BTBD9: variants seen among roughly 807,000 people sequenced by gnomAD.
BTBD9 encodes BTB domain containing 9.
A neutral mutation model predicts 64.3 loss-of-function variants in BTBD9; 49 were observed. The observed-to-expected ratio is 0.76, with a 90% confidence interval of 0.61 to 0.97. The LOEUF (loss-of-function observed/expected upper bound fraction) is 0.97. Ranked by LOEUF, BTBD9 falls within the 50% of genes least tolerant of loss-of-function variation. BTBD9 has a pLI of 0.00. For synonymous variants in BTBD9, 260 were observed against 274.7 expected, an observed-to-expected ratio of 0.95 and a Z score of 0.53; for missense variants, 598 against 762.1, an observed-to-expected ratio of 0.78 and a Z score of 2.53.
intron 6 of BTBD9, among the ~76,000 whole-genome samples, chr6:38,484,523 G>A (rs903169108): frequency 5.9e-5 from 9 of 152,170 alleles, no homozygotes; most frequent in Admixed American, 2.6e-4. Flanking sequence ...CAAGACCTCT[G>A]CTAAGGCTGT....
At chr6:38,473,582 G>A (rs1770745071) in intron 6 of BTBD9, among the ~76,000 whole-genome samples, 1 of 152,140 alleles carries the variant, frequency 6.6e-6, no homozygotes, top group African/African-American at 2.4e-5. Context: ...AGCTCAGTAA[G>A]AGTACAAATC....
chr6:38,202,134 G>C (rs897856345), intron 9 of BTBD9, among the ~76,000 whole-genome samples: 1 of 146,252 alleles, frequency 6.8e-6, no homozygotes, highest in African/African-American at 2.6e-5. Flanking sequence ...TGCCAGGCTG[G>C]AGTGCAGTGA....
rs6941845 is a variant in BTBD9, at chr6:38,622,655, G to A, written c.-28+17145C>T. On this transcript the variant is annotated intron_variant, in intron 1 of 10. Transcript: ENST00000481247. ...AGCCTATACATGGCCCTGTAACCAC[G>A]AACACCGTGTTAACTTTCCAAGCCC... is the stretch of plus-strand genomic sequence containing the variant. Among the ~76,000 whole-genome samples the A allele has an allele frequency of 4.2e-3, 633 of 152,182 alleles. 8 individuals are homozygous for A. The highest frequency in any genetic ancestry group is 0.014 in the African/African-American group (598 of 41,508).
At chr6:38,295,194 T>A (rs1272241814) in intron 7 of BTBD9, among the ~76,000 whole-genome samples, 2 of 152,196 alleles carry the variant, frequency 1.3e-5, no homozygotes, top group African/African-American at 4.8e-5. Context: ...AGACACGGTC[T>A]CATTCTGTCA....
chr6:38,447,645 G>A lies in BTBD9; in HGVS notation c.1155-102552C>T, dbSNP rs116619028. On this transcript the variant is annotated intron_variant, in intron 6 of 10. Coordinates refer to ENST00000481247, the MANE Select transcript of BTBD9 (RefSeq NM_001099272.2). ...TTTGACACAAAAGAGCTAATTACTA[G>A]ACATCTTTTCTCAGCAATTAAGATT... Among the ~76,000 whole-genome samples the A allele has an allele frequency of 7.0e-3, 1,059 of 152,252 alleles. 7 individuals are homozygous for A. The highest frequency in any genetic ancestry group is 0.024 in the African/African-American group (1,002 of 41,540).
chr6:38,381,880 AG>A (rs1210609984), intron 6 of BTBD9, among the ~76,000 whole-genome samples: 2 of 152,198 alleles, frequency 1.3e-5, no homozygotes, highest in African/African-American at 4.8e-5. Context: ...AGAAAAAATA[AG>A]TAATGGAAAT....
intron 6 of BTBD9, among the ~76,000 whole-genome samples, chr6:38,385,817 C>CA (rs1223131903): frequency 1.7e-5 from 2 of 119,546 alleles, no homozygotes; most frequent in Admixed American, 1.9e-4. Context: ...TTTTTTGAGA[C>CA]AGAGTCTCAC....
intron 6 of BTBD9, chr6:38,481,748 C>G (rs1771156527): frequency 6.6e-6 from 1 of 152,258 alleles, no homozygotes; most frequent in Non-Finnish European, 1.5e-5. Flanking sequence ...CCAAGTTCAA[C>G]AGCAGTGACC....
intron 9 of BTBD9, among the ~76,000 whole-genome samples, chr6:38,203,955 C>CA (rs1440166059): frequency 2.0e-5 from 3 of 151,958 alleles, no homozygotes; most frequent in Non-Finnish European, 4.4e-5. Flanking sequence ...ATGAATACTC[C>CA]AAATAACCTG....
At chr6:38,244,223 G>A (rs575086175) in intron 9 of BTBD9, among the ~76,000 whole-genome samples, 1 of 152,276 alleles carries the variant, frequency 6.6e-6, no homozygotes, top group African/African-American at 2.4e-5. Context: ...TGTGCAGCAG[G>A]TCCCTTGTCT....
chr6:38,273,350 T>C (rs1483665451), intron 8 of BTBD9, among the ~76,000 whole-genome samples: 1 of 152,144 alleles, frequency 6.6e-6, no homozygotes, highest in African/African-American at 2.4e-5. Context: ...GTATACTATA[T>C]TGTTTTGATT....
At chr6:38,312,385 G>C (rs1762871159) in intron 7 of BTBD9, among the ~76,000 whole-genome samples, 1 of 151,414 alleles carries the variant, frequency 6.6e-6, no homozygotes, top group Non-Finnish European at 1.5e-5. Context: ...TGTTTCTTTT[G>C]CTGTGCAGAA....
At chr6:38,262,176 C>T (rs779758733) in intron 8 of BTBD9, among the ~76,000 whole-genome samples, 15 of 152,192 alleles carry the variant, frequency 9.9e-5, no homozygotes, top group Non-Finnish European at 2.1e-4. Context: ...GGAATGTTTG[C>T]ATGGTGAGCT....
At chr6:38,388,491 A>C (rs1164378459) in intron 6 of BTBD9, among the ~76,000 whole-genome samples, 1 of 152,230 alleles carries the variant, frequency 6.6e-6, no homozygotes, top group Non-Finnish European at 1.5e-5. Context: ...TCCACTGAAG[A>C]GAAGGGAACT....
At chr6:38,525,412 C>T (rs1477482876) in intron 6 of BTBD9, among the ~76,000 whole-genome samples, 1 of 152,154 alleles carries the variant, frequency 6.6e-6, no homozygotes, top group Non-Finnish European at 1.5e-5. Context: ...ATCTTTATAG[C>T]AGTGTGAAAA....
intron 6 of BTBD9, among the ~76,000 whole-genome samples, chr6:38,532,467 T>C (rs911413973): frequency 2.0e-5 from 3 of 151,956 alleles, no homozygotes; most frequent in Admixed American, 6.6e-5. Flanking sequence ...TAAGGAGGTG[T>C]TTTCGCCATC....
At chr6:38,597,217 T>C (rs1040219023) in intron 2 of BTBD9, among the ~76,000 whole-genome samples, 9 of 152,186 alleles carry the variant, frequency 5.9e-5, no homozygotes, top group Non-Finnish European at 1.2e-4. Flanking sequence ...GTAATTGAAA[T>C]TTTCTCTAAT....
chr6:38,184,914 C>T lies in BTBD9; in HGVS notation c.1641+7605G>A, dbSNP rs1660959946. On this transcript the variant is annotated intron_variant, in intron 10 of 10. Coordinates refer to ENST00000481247, the MANE Select transcript of BTBD9 (RefSeq NM_001099272.2). This position sits in a 1 kb window ranked among gnomAD's most constrained non-coding sequence, Gnocchi z 4.4. ...AAATAAATTCTGCCTCACTCCAGGC[C>T]CTGAGCCGAGTGGTCCTGGAGGGCA... Among the ~76,000 whole-genome samples the T allele has an allele frequency of 6.6e-6, 1 of 152,186 alleles. No homozygotes were observed. Among genetic ancestry groups the T allele is most frequent in the South Asian group, 2.1e-4 (1 of 4,824 alleles).
intron 7 of BTBD9, among the ~76,000 whole-genome samples, chr6:38,332,710 C>G (rs1763728556): frequency 6.6e-6 from 1 of 151,990 alleles, no homozygotes; most frequent in Non-Finnish European, 1.5e-5. Context: ...AAAACACACA[C>G]ATAACTGGGA....
Sources: allele counts gnomAD v4.1 joint callset (sites outside exome capture counted in the v4.1 genomes callset), GRCh38; gene constraint gnomAD v4.1.1; non-coding constraint Gnocchi (gnomAD v3.1); transcripts MANE v1.5; gene names NCBI Gene and HGNC (gene_info 2026-07-23, HGNC 2026-07-21).